ADGRD2: variants seen among roughly 807,000 people sequenced by gnomAD.
ADGRD2 encodes the protein G protein-coupled receptor PGR24.
A neutral mutation model predicts 44.4 loss-of-function variants in ADGRD2; 71 were observed. The ratio of observed to expected loss-of-function variants is 1.60; its 90% CI spans 1.32 to 1.95. ADGRD2 has a LOEUF of 1.95. Among genes scored for constraint, ADGRD2 ranks in the 30% most tolerant of loss-of-function variants. ADGRD2 has a pLI of 0.00. For synonymous variants in ADGRD2, 481 were observed against 224.8 expected, an observed-to-expected ratio of 2.14 and a Z score of -10.19; for missense variants, 1,039 against 512.4, an observed-to-expected ratio of 2.03 and a Z score of -9.92.
chr9:124,469,479 T>A (rs756147732), exon 16 of ADGRD2: 2 of 718,044 alleles, frequency 2.8e-6, no homozygotes, highest in South Asian at 3.0e-5. Flanking sequence ...CCGTGTCCAG[T>A]GCCCGCCGCC....
chr9:124,471,366 C>T (rs774421376), intron 17 of ADGRD2, among the ~76,000 whole-genome samples: 9 of 152,220 alleles, frequency 5.9e-5, no homozygotes, highest in African/African-American at 1.7e-4. Context: ...AGGGCCCAGG[C>T]TGGACTGTGC....
At chr9:124,473,099 A>C (rs936225736) in intron 17 of ADGRD2, among the ~76,000 whole-genome samples, 1 of 151,988 alleles carries the variant, frequency 6.6e-6, no homozygotes, top group Non-Finnish European at 1.5e-5. Flanking sequence ...GTGTCCACCA[A>C]GGTCTCTCTG....
intron 20 of ADGRD2, 75 bp from the exon 24 acceptor site, chr9:124,476,604 A>G (rs929377017): frequency 6.1e-6 from 4 of 656,996 alleles, no homozygotes; most frequent in Non-Finnish European, 5.5e-6. Flanking sequence ...AGAGGCCCCT[A>G]TAGCCAAGGG....
exon 3 of ADGRD2, chr9:124,453,045 C>A: frequency 1.5e-6 from 1 of 667,192 alleles, no homozygotes; most frequent in South Asian, 1.6e-5. Context: ...GTGCGCGCAC[C>A]ACCGCCGTGC....
intron 20 of ADGRD2, 84 bp downstream of exon 23, chr9:124,476,499 C>G: frequency 1.5e-6 from 1 of 665,466 alleles, no homozygotes; most frequent in East Asian, 2.7e-5. Context: ...GCCACAGGGC[C>G]TGGGTAGGGC....
chr9:124,477,133 G>A (rs1016244728), intron 21 of ADGRD2: 1 of 465,552 alleles, frequency 2.1e-6, no homozygotes, highest in Admixed American at 2.4e-5. Context: ...CAAACCCGCT[G>A]AGGGAGAAGT....
chr9:124,458,547 G>C, intron 9 of ADGRD2, 69 bp from the exon 13 acceptor site: 1 of 696,502 alleles, frequency 1.4e-6, no homozygotes, highest in South Asian at 1.5e-5. Context: ...AGGGGCCTGG[G>C]TGACATGCCG....
At chr9:124,458,035 G>A (rs1004921116) in intron 8 of ADGRD2, 78 bp from the exon 12 acceptor site, 9 of 705,618 alleles carry the variant, frequency 1.3e-5, no homozygotes, top group Non-Finnish European at 2.1e-5. Flanking sequence ...AGAGTGGGGA[G>A]AGCATCACCC....
At chr9:124,471,533 G>A (rs1016305542) in intron 17 of ADGRD2, among the ~76,000 whole-genome samples, 1 of 152,180 alleles carries the variant, frequency 6.6e-6, no homozygotes, top group Admixed American at 6.5e-5. Flanking sequence ...GCTCCTATTT[G>A]TATCTCCCAA....
intron 6 of ADGRD2, 82 bp downstream of exon 9, chr9:124,455,209 G>A: frequency 1.7e-6 from 1 of 603,010 alleles, no homozygotes; most frequent in South Asian, 2.0e-5. Context: ...AGCTGTGGGG[G>A]AGTCAGCATC....
intron 17 of ADGRD2, among the ~76,000 whole-genome samples, chr9:124,473,118 C>T (rs1284970755): frequency 6.6e-6 from 1 of 152,212 alleles, no homozygotes; most frequent in Admixed American, 6.5e-5. Flanking sequence ...TGTGTTTTCC[C>T]CTCACACTCC....
chr9:124,458,198 G>C, exon 9 of ADGRD2: 1 of 718,526 alleles, frequency 1.4e-6, no homozygotes, highest in East Asian at 2.7e-5. Flanking sequence ...TAGAGCCCCA[G>C]GCCCCTGCCA....
chr9:124,476,363 A>G (rs1483972250), exon 20 of ADGRD2: 2 of 700,184 alleles, frequency 2.9e-6, no homozygotes, highest in Middle Eastern at 2.3e-4. Flanking sequence ...CTAGGGACCT[A>G]TGGCCCTAGA....
intron 10 of ADGRD2, among the ~76,000 whole-genome samples, chr9:124,461,867 C>A (rs1831728271): frequency 6.6e-6 from 1 of 151,942 alleles, no homozygotes; most frequent in South Asian, 2.1e-4. Flanking sequence ...CCTGCCCCAG[C>A]CTACAGTAGC....
At chr9:124,468,649 G>A (rs1046889672) in exon 14 of ADGRD2, 20 of 717,442 alleles carry the variant, frequency 2.8e-5, no homozygotes, top group African/African-American at 5.2e-5. Flanking sequence ...CCAGGCATGC[G>A]GCTCTACCAC....
At chr9:124,467,592 C>G in intron 11 of ADGRD2, 129 bp from the exon 15 acceptor site, 1 of 640,762 alleles carries the variant, frequency 1.6e-6, no homozygotes, top group South Asian at 1.8e-5. Flanking sequence ...AGGCCTGGGT[C>G]CTGCTGGCTG....
chr9:124,460,822 A>C (rs537540919), intron 10 of ADGRD2, among the ~76,000 whole-genome samples: 1 of 152,280 alleles, frequency 6.6e-6, no homozygotes, highest in African/African-American at 2.4e-5. Flanking sequence ...TAGATTCCTG[A>C]AAGTAGACTT....
intron 8 of ADGRD2, 109 bp downstream of exon 11, chr9:124,457,715 T>C (rs1831644502): frequency 3.7e-6 from 2 of 542,792 alleles, no homozygotes; most frequent in Non-Finnish European, 6.6e-6. Context: ...AGTTTGCTCG[T>C]CTGTAAAATG....
intron 10 of ADGRD2, among the ~76,000 whole-genome samples, chr9:124,464,883 ATGT>A (rs1831789462): frequency 2.0e-5 from 3 of 152,166 alleles, no homozygotes; most frequent in Non-Finnish European, 2.9e-5. Context: ...ATCATGCCCA[ATGT>A]TGTGAATTCT....
Sources: gnomAD v4.1 joint callset for allele counts (sites outside exome capture counted in the v4.1 genomes callset) on GRCh38, gnomAD v4.1.1 for gene constraint, MANE v1.5 for transcripts, NCBI Gene and HGNC (gene_info 2026-07-23, HGNC 2026-07-21) for gene names.